IFT43: variants seen among roughly 807,000 people sequenced by gnomAD.
IFT43 encodes the protein intraflagellar transport protein 43 homolog.
A neutral mutation model predicts 32.3 loss-of-function variants in IFT43; 33 were observed. The observed-to-expected ratio is 1.02, with a 90% confidence interval of 0.77 to 1.37. IFT43 has a LOEUF of 1.37. Ranked by LOEUF, IFT43 falls within the 40% of genes most tolerant of loss-of-function variation. The pLI, the probability that IFT43 is intolerant of heterozygous loss-of-function variation, is 0.00. For missense variants in IFT43, 274 were observed against 265.9 expected, an observed-to-expected ratio of 1.03 and a Z score of -0.21; for synonymous variants, 93 against 98.2, an observed-to-expected ratio of 0.95 and a Z score of 0.31.
chr14:76,001,453 C>T (rs1274006374), intron 2 of IFT43, among the ~76,000 whole-genome samples: 1 of 152,146 alleles, frequency 6.6e-6, no homozygotes, highest in Non-Finnish European at 1.5e-5. Flanking sequence ...TCCAGGGGCC[C>T]ATGCAGGCAT....
chr14:76,052,851 G>A (rs1594848313), intron 3 of IFT43, among the ~76,000 whole-genome samples: 1 of 152,280 alleles, frequency 6.6e-6, no homozygotes, highest in East Asian at 1.9e-4. Context: ...CAGATCATCA[G>A]GACTGACAAA....
chr14:76,051,902 C>T (rs1386210432), intron 3 of IFT43, among the ~76,000 whole-genome samples: 2 of 152,154 alleles, frequency 1.3e-5, no homozygotes, highest in Admixed American at 6.5e-5. Context: ...ATGGCTTTGG[C>T]GTTTCTTTCA....
chr14:76,067,267 G>C (rs1263087337), intron 5 of IFT43, among the ~76,000 whole-genome samples: 2 of 152,138 alleles, frequency 1.3e-5, no homozygotes, highest in Admixed American at 1.3e-4. Flanking sequence ...GAAAAGAGAA[G>C]AGAAAAATAG....
At chr14:76,033,542 G>C (rs951888437) in intron 3 of IFT43, among the ~76,000 whole-genome samples, 3 of 152,136 alleles carry the variant, frequency 2.0e-5, no homozygotes, top group African/African-American at 7.2e-5. Context: ...CTTCAAAGTG[G>C]GAAGACAGAC....
Position 76,027,644 on chromosome 14 carries a change from G to A in IFT43, c.215+5250G>A, listed in dbSNP as rs539359829. 2.5e-4 allele frequency among the ~76,000 whole-genome samples: 37 copies of A among 150,586 alleles called. No individual in the cohort carries two copies. The South Asian group carries it at 5.5e-3, about 22-fold the overall frequency. On this transcript the variant is annotated intron_variant, in intron 3 of 8. Transcript: ENST00000314067. Reference sequence around the variant, plus strand: ...GAATGGTGTGAACCCGGGAAGTGGAGCTTGCAGTGAGCCGAGATTGTGCCA... The same window carrying A: ...GAATGGTGTGAACCCGGGAAGTGGAACTTGCAGTGAGCCGAGATTGTGCCA...
At chr14:76,011,317 T>G (rs1207871072) in intron 2 of IFT43, among the ~76,000 whole-genome samples, 2 of 152,182 alleles carry the variant, frequency 1.3e-5, no homozygotes, top group Non-Finnish European at 2.9e-5. Flanking sequence ...CCAAGTGTCA[T>G]TTTACTTATT....
At chr14:76,001,013 C>T (rs115764804) in intron 2 of IFT43, among the ~76,000 whole-genome samples, 2,054 of 152,264 alleles carry the variant, frequency 0.013, 52 homozygotes, top group African/African-American at 0.043. Flanking sequence ...GGGTCATCAG[C>T]ATATATTCTA....
At chr14:76,072,079 G>C (rs894578339) in intron 5 of IFT43, among the ~76,000 whole-genome samples, 2 of 152,206 alleles carry the variant, frequency 1.3e-5, no homozygotes, top group Non-Finnish European at 2.9e-5. Context: ...CAGGGCCTGG[G>C]CTGGCTAGAG....
At chr14:76,057,476 C>T (rs933693176) in intron 3 of IFT43, among the ~76,000 whole-genome samples, 1 of 152,058 alleles carries the variant, frequency 6.6e-6, no homozygotes, top group South Asian at 2.1e-4. Flanking sequence ...AATGATCCAC[C>T]TGCCTTGGCC....
At chr14:76,080,205 A>G (rs2037484395) in intron 5 of IFT43, among the ~76,000 whole-genome samples, 1 of 152,128 alleles carries the variant, frequency 6.6e-6, no homozygotes, top group Non-Finnish European at 1.5e-5. Flanking sequence ...TGTCCCACTC[A>G]GGCGGTTCAC....
chr14:75,996,386 G>A (rs2035748200), intron 2 of IFT43, among the ~76,000 whole-genome samples: 1 of 152,112 alleles, frequency 6.6e-6, no homozygotes, highest in South Asian at 2.1e-4. Flanking sequence ...GTTGTTGGAG[G>A]GTTAAATAAA....
At chr14:76,024,411 C>A (rs2036351312) in intron 3 of IFT43, among the ~76,000 whole-genome samples, 1 of 152,204 alleles carries the variant, frequency 6.6e-6, no homozygotes, top group Non-Finnish European at 1.5e-5. Context: ...AAGATTAAAA[C>A]CATGGGTGTC....
chr14:76,041,672 A>G (rs2036709645), intron 3 of IFT43, among the ~76,000 whole-genome samples: 1 of 152,246 alleles, frequency 6.6e-6, no homozygotes, highest in South Asian at 2.1e-4. Flanking sequence ...GATCCTAGCC[A>G]TCTCTCTAGA....
Position 75,999,268 on chromosome 14 carries a change from TATATGTATATATA to T in IFT43, c.147+10292_147+10304del, listed in dbSNP as rs201111282. Among the ~76,000 whole-genome samples the T allele has an allele frequency of 2.3e-3, 58 of 25,464 alleles. 3 individuals carry two copies. Among genetic ancestry groups the T allele is most frequent in the African/African-American group, 8.1e-3 (37 of 4,556 alleles). The allele number at this position is 25,464 out of a possible 152,430, so 16.7% of individuals were successfully genotyped here. On this transcript the variant is annotated intron_variant, in intron 2 of 8. Transcript: ENST00000314067. ...ATATATATATATATATATATATATA[TATATGTATATATA>T]TTTTTTTTTTTTTTTTTTTAATTTT...
At chr14:75,995,962 G>T (rs2035737740) in intron 2 of IFT43, among the ~76,000 whole-genome samples, 1 of 152,188 alleles carries the variant, frequency 6.6e-6, no homozygotes, top group Non-Finnish European at 1.5e-5. Context: ...CTGTGTGGGA[G>T]GGAATGTCAT....
At chr14:75,992,911 GAGTCATACC>G (rs2035671323) in intron 2 of IFT43, among the ~76,000 whole-genome samples, 1 of 152,078 alleles carries the variant, frequency 6.6e-6, no homozygotes, top group Non-Finnish European at 1.5e-5. Flanking sequence ...ACAGGCCTAG[GAGTCATACC>G]AGTCTGGGCT....
In IFT43 at chr14:76,045,191, A is replaced by T. The variant is rs574344690; in HGVS notation, c.216-13451A>T. Among the ~76,000 whole-genome samples the T allele has an allele frequency of 5.1e-4, 78 of 152,296 alleles. 1 individual carries two copies. The highest frequency in any genetic ancestry group is 1.7e-3 in the African/African-American group (71 of 41,572). On this transcript the variant is annotated intron_variant, in intron 3 of 8. Coordinates refer to ENST00000314067, the MANE Select transcript of IFT43 (RefSeq NM_001102564.3). ...CTCATCCTCCTTCTTTATAGCAAGAATTCTCTTTTCAGGCTAGACAAAGTT... is the reference window on the plus strand; with the variant it reads ...CTCATCCTCCTTCTTTATAGCAAGATTTCTCTTTTCAGGCTAGACAAAGTT...
intron 3 of IFT43, among the ~76,000 whole-genome samples, chr14:76,039,016 C>T (rs1397678515): frequency 1.3e-5 from 2 of 152,014 alleles, no homozygotes; most frequent in African/African-American, 4.8e-5. Context: ...CTGAAAGTCA[C>T]TGTTCATGGG....
intron 1 of IFT43, chr14:75,986,409 C>A: frequency 2.0e-6 from 1 of 491,698 alleles, no homozygotes; most frequent in Non-Finnish European, 2.9e-6. Flanking sequence ...TGCTCAGGCA[C>A]TGAGGCCAGA....
Sources: allele counts gnomAD v4.1 joint callset (sites outside exome capture counted in the v4.1 genomes callset), GRCh38; gene constraint gnomAD v4.1.1; transcripts MANE v1.5; gene names NCBI Gene and HGNC (gene_info 2026-07-23, HGNC 2026-07-21).